Variants in EMCN observed in about 807,000 individuals in gnomAD.
EMCN encodes MUC-14.
In EMCN, 37 loss-of-function variants were observed where a neutral mutation model predicts 38.4. The ratio of observed to expected loss-of-function variants is 0.96; its 90% CI spans 0.74 to 1.27. The LOEUF (loss-of-function observed/expected upper bound fraction) is 1.27. EMCN is among the 50% of genes most tolerant of loss of function. EMCN has a pLI of 0.00. For missense variants in EMCN, 318 were observed against 302.8 expected (o/e 1.05, Z -0.37); for synonymous variants, 95 against 100.8 (o/e 0.94, Z 0.35).
chr4:100,404,156 C>A (rs559578376), intron 11 of EMCN, among the ~76,000 whole-genome samples: 1 of 152,012 alleles, frequency 6.6e-6, no homozygotes, highest in Non-Finnish European at 1.5e-5. Context: ...ATGGTATTTC[C>A]TAGGTATTCT....
intron 5 of EMCN, among the ~76,000 whole-genome samples, chr4:100,427,090 G>T (rs1181108313): frequency 2.0e-5 from 3 of 151,806 alleles, no homozygotes; most frequent in Admixed American, 6.6e-5. Flanking sequence ...ATTGTAATTT[G>T]ATAGATTATT....
intron 11 of EMCN, among the ~76,000 whole-genome samples, chr4:100,403,236 T>G (rs1726306615): frequency 6.6e-6 from 1 of 152,130 alleles, no homozygotes; most frequent in Non-Finnish European, 1.5e-5. Flanking sequence ...TGGTGTCTCT[T>G]GTTCCCCGCT....
At chr4:100,429,022 TGAG>T (rs1018497727) in intron 5 of EMCN, among the ~76,000 whole-genome samples, 1 of 152,150 alleles carries the variant, frequency 6.6e-6, no homozygotes, top group African/African-American at 2.4e-5. Flanking sequence ...AAAAAGAACT[TGAG>T]GAGCTTAAGC....
intron 3 of EMCN, among the ~76,000 whole-genome samples, chr4:100,471,692 TATAA>T (rs1394705710): frequency 6.6e-6 from 1 of 151,918 alleles, no homozygotes; most frequent in African/African-American, 2.4e-5. Flanking sequence ...AACAAAATAA[TATAA>T]ATAAAGTTTA....
At chr4:100,497,370 A>AGTTT (rs1040752693) in intron 1 of EMCN, among the ~76,000 whole-genome samples, 4 of 151,618 alleles carry the variant, frequency 2.6e-5, no homozygotes, top group Non-Finnish European at 5.9e-5. Context: ...ATGCAAATCA[A>AGTTT]GTTTGTTTGT....
In EMCN at chr4:100,470,943, C is replaced by A. The variant is rs74453245; in HGVS notation, c.259+4095G>T. Among the ~76,000 whole-genome samples, 45 of 151,738 alleles carry A rather than the reference C, an allele frequency of 3.0e-4. 1 individual carries two copies. Among genetic ancestry groups the A allele is most frequent in the African/African-American group, 1.0e-3 (43 of 41,432 alleles). On this transcript the variant is annotated intron_variant, in intron 3 of 11. Coordinates refer to ENST00000296420, the MANE Select transcript of EMCN (RefSeq NM_016242.4). ...ATAATATACCAAAATTTACGGAATG[C>A]AGAGAAAGCAATGGAAAGAAGGAAA...
chr4:100,455,789 G>A (rs868165454), intron 4 of EMCN, among the ~76,000 whole-genome samples: 2 of 151,324 alleles, frequency 1.3e-5, no homozygotes, highest in South Asian at 2.1e-4. Context: ...CCTTTTGTTC[G>A]TTTTTTCTTT....
chr4:100,428,570 C>T (rs1727115888), intron 5 of EMCN, among the ~76,000 whole-genome samples: 1 of 152,110 alleles, frequency 6.6e-6, no homozygotes, highest in African/African-American at 2.4e-5. Flanking sequence ...TGTGCTCACT[C>T]ATATTTCCCA....
At chr4:100,444,801 A>AG (rs1727622703) in intron 5 of EMCN, among the ~76,000 whole-genome samples, 1 of 152,058 alleles carries the variant, frequency 6.6e-6, no homozygotes, top group South Asian at 2.1e-4. Flanking sequence ...ATGAGACAAG[A>AG]GGTAGGGGCT....
chr4:100,415,741 C>A (rs547298652), intron 10 of EMCN, among the ~76,000 whole-genome samples, 157 bp downstream of exon 10: 1 of 152,184 alleles, frequency 6.6e-6, no homozygotes, highest in South Asian at 2.1e-4. Context: ...TAAGATTTTT[C>A]TTTCCTTCAT....
intron 2 of EMCN, among the ~76,000 whole-genome samples, chr4:100,475,915 C>T (rs1234641941): frequency 2.0e-5 from 3 of 151,890 alleles, no homozygotes; most frequent in African/African-American, 7.3e-5. Context: ...ATCTCATGAT[C>T]CTCCCACCTC....
At chr4:100,504,018 C>A in intron 1 of EMCN, among the ~76,000 whole-genome samples, 1 of 152,158 alleles carries the variant, frequency 6.6e-6, no homozygotes, top group East Asian at 1.9e-4. Context: ...TATCTATAAT[C>A]TGTTTGATAA....
At chr4:100,465,631 T>A (rs951218192) in intron 3 of EMCN, 92 bp from the exon 4 acceptor site, 1 of 646,096 alleles carries the variant, frequency 1.5e-6, no homozygotes, top group Non-Finnish European at 2.5e-6. Context: ...AACTTGAAGA[T>A]TAATTTCTAG....
intron 3 of EMCN, among the ~76,000 whole-genome samples, chr4:100,470,443 A>G (rs2110269341): frequency 6.6e-6 from 1 of 151,496 alleles, no homozygotes; most frequent in Admixed American, 6.6e-5. Flanking sequence ...TGTTGGTGGG[A>G]GTGTAAATTA....
intron 5 of EMCN, among the ~76,000 whole-genome samples, chr4:100,424,260 T>C (rs936739238): frequency 1.3e-5 from 2 of 152,116 alleles, no homozygotes; most frequent in African/African-American, 4.8e-5. Context: ...GAAAATGTAT[T>C]CTCTTCCTCG....
chr4:100,410,213 T>A lies in EMCN; in HGVS notation c.*39+69A>T. On this transcript the variant is annotated intron_variant, in intron 11 of 11. Transcript: ENST00000296420. The stretch of plus-strand genomic sequence containing the variant: ...AGCTTTTGAAATTCTTTAAAAACAA[T>A]CTAAGCTGCACCAGGCTAACAAAAC... 2.8e-6 allele frequency: 3 copies of A among 1,067,046 alleles called. No individual in the cohort carries two copies. In the South Asian group the frequency reaches 3.9e-5, roughly 14 times the overall value. The allele number at this position is 1,067,046 out of a possible 1,614,324, so 66.1% of individuals were successfully genotyped here. A position where few individuals can be genotyped will look rare whatever the true frequency, so the allele number is the denominator to read the frequency against.
At position 100,511,631 on chromosome 4, in the gene EMCN, A is replaced by C. The variant is rs1468169037; in HGVS notation, c.64+6220T>G. Among the ~76,000 whole-genome samples the C allele has an allele frequency of 2.0e-5, 3 of 152,234 alleles. No homozygotes were observed. The East Asian group carries it at 5.8e-4, about 29-fold the overall frequency. On this transcript the variant is annotated intron_variant, in intron 1 of 11. Coordinates refer to ENST00000296420, the MANE Select transcript of EMCN (RefSeq NM_016242.4). ...TATTGTTAAGCTTATGTAACAAAAGATTGATCAAAGATATTTCATTTTCTT... is the reference window on the plus strand; with the variant it reads ...TATTGTTAAGCTTATGTAACAAAAGCTTGATCAAAGATATTTCATTTTCTT...
chr4:100,497,463 G>A lies in EMCN; in HGVS notation c.65-17424C>T, dbSNP rs374207020. Among the ~76,000 whole-genome samples the A allele has an allele frequency of 5.3e-5, 8 of 151,710 alleles. No individual in the cohort carries two copies. In the East Asian group the frequency reaches 5.8e-4, roughly 11 times the overall value. ...CCAATCTCGGCTCACTGCAAGCTCC[G>A]CCTCCCAGGTTCATGCCATTCTCCT... is the stretch of plus-strand genomic sequence containing the variant. On this transcript the variant is annotated intron_variant, in intron 1 of 11. Transcript: ENST00000296420.
chr4:100,432,558 T>A (rs1727232776), intron 5 of EMCN, among the ~76,000 whole-genome samples: 1 of 152,204 alleles, frequency 6.6e-6, no homozygotes, highest in African/African-American at 2.4e-5. Context: ...GTTGATTAAA[T>A]ATACCATTCT....
Sources: gnomAD v4.1 joint callset for allele counts (sites outside exome capture counted in the v4.1 genomes callset) on GRCh38, gnomAD v4.1.1 for gene constraint, MANE v1.5 for transcripts, NCBI Gene and HGNC (gene_info 2026-07-23, HGNC 2026-07-21) for gene names.